The following RGS7 variants were observed in gnomAD, a reference collection of about 807,000 sequenced individuals.
RGS7 encodes the protein regulator of G-protein signaling 7.
Under a neutral mutation model 81.1 loss-of-function variants are expected in RGS7, and 27 were observed. That is an observed-to-expected ratio of 0.33 (90% CI 0.25 to 0.46). The LOEUF (loss-of-function observed/expected upper bound fraction) is 0.46. Ranked by LOEUF, RGS7 falls within the 20% of genes least tolerant of loss-of-function variation. RGS7 has a pLI of 1.00. For synonymous variants in RGS7, 208 were observed against 207.7 expected (o/e 1.00, Z -0.01); for missense variants, 396 against 607.4 (o/e 0.65, Z 3.66).
intron 2 of RGS7, among the ~76,000 whole-genome samples, chr1:241,226,543 T>C (rs2075318938): frequency 6.6e-6 from 1 of 152,118 alleles, no homozygotes; most frequent in African/African-American, 2.4e-5. Context: ...GAGGAGATAA[T>C]CAGTTAGCCA....
chr1:241,234,939 A>G (rs1455565259), intron 2 of RGS7, among the ~76,000 whole-genome samples: 1 of 152,170 alleles, frequency 6.6e-6, no homozygotes, highest in East Asian at 1.9e-4. Context: ...TCTTTCCAGG[A>G]TAATAAAATC....
intron 2 of RGS7, among the ~76,000 whole-genome samples, chr1:241,124,228 C>A (rs1477559554): frequency 4.9e-5 from 7 of 143,724 alleles, no homozygotes; most frequent in Non-Finnish European, 1.1e-4. Context: ...GACCTCGTCT[C>A]TAGAAAAAAA....
intron 3 of RGS7, among the ~76,000 whole-genome samples, chr1:241,078,501 G>GTGTGTGTGTGTGTGTGTGTA: frequency 6.6e-6 from 1 of 151,278 alleles, no homozygotes; most frequent in Non-Finnish European, 1.5e-5. Context: ...GTGTGTGTGT[G>GTGTGTGTGTGTGTGTGTGTA]TATATACACA....
chr1:240,828,004 C>A (rs1290259805), intron 9 of RGS7, among the ~76,000 whole-genome samples: 2 of 152,140 alleles, frequency 1.3e-5, no homozygotes, highest in African/African-American at 4.8e-5. Context: ...TGAAACCCAG[C>A]AACTAGGAAT....
Position 240,868,374 on chromosome 1 carries a change from G to C in RGS7, c.609+213C>G, listed in dbSNP as rs1663852274. Among the ~76,000 whole-genome samples, 1 of 152,148 alleles carries C rather than the reference G, an allele frequency of 6.6e-6. No individual in the cohort carries two copies. Among genetic ancestry groups the C allele is most frequent in the Non-Finnish European group, 1.5e-5 (1 of 68,016 alleles). Reference sequence around the variant, plus strand: ...CAAGAGAGTAAGCAAGCGATATCATGGTGGGAAAATGCATGGTTTTATAAA... The same window carrying C: ...CAAGAGAGTAAGCAAGCGATATCATCGTGGGAAAATGCATGGTTTTATAAA... On this transcript the variant is annotated intron_variant, in intron 9 of 18. Transcript: ENST00000440928. The surrounding 1 kb of genome is among the most constrained non-coding windows in gnomAD (Gnocchi z 5.1).
intron 5 of RGS7, among the ~76,000 whole-genome samples, chr1:240,933,035 A>G (rs1213806860): frequency 1.4e-5 from 2 of 147,436 alleles, no homozygotes; most frequent in African/African-American, 5.0e-5. Flanking sequence ...AGGCGCCCGC[A>G]CCACGCCCGG....
intron 2 of RGS7, among the ~76,000 whole-genome samples, chr1:241,290,127 G>C (rs1183159935): frequency 2.6e-5 from 4 of 152,208 alleles, no homozygotes; most frequent in Non-Finnish European, 5.9e-5. Context: ...ATGTTAGAAA[G>C]TAGGGTTTAT....
intron 2 of RGS7, among the ~76,000 whole-genome samples, chr1:241,308,972 G>C (rs2080338185): frequency 6.6e-6 from 1 of 152,136 alleles, no homozygotes; most frequent in African/African-American, 2.4e-5. Flanking sequence ...CGTGAGAGTG[G>C]TATTCATGAG....
At chr1:240,880,476 A>G (rs1466354831) in intron 6 of RGS7, among the ~76,000 whole-genome samples, 1 of 152,248 alleles carries the variant, frequency 6.6e-6, no homozygotes, top group African/African-American at 2.4e-5. Context: ...TTGACCAGCC[A>G]CTGCAGCAAT....
intron 4 of RGS7, among the ~76,000 whole-genome samples, chr1:240,938,330 T>C (rs1167221486): frequency 1.3e-5 from 2 of 152,200 alleles, no homozygotes; most frequent in South Asian, 2.1e-4. Flanking sequence ...GTATAATTCA[T>C]TTATAAATTT....
chr1:241,337,241 C>G (rs955991208), intron 2 of RGS7, among the ~76,000 whole-genome samples: 1 of 152,132 alleles, frequency 6.6e-6, no homozygotes, highest in Non-Finnish European at 1.5e-5. Context: ...CTCCATTGTT[C>G]ATGCCTCTTG....
chr1:240,984,110 T>C lies in RGS7; in HGVS notation c.176-981A>G, dbSNP rs147523858. 5.4e-3 allele frequency among the ~76,000 whole-genome samples: 817 copies of C among 152,190 alleles called. 3 individuals are homozygous for C. The highest frequency in any genetic ancestry group is 0.019 in the African/African-American group (783 of 41,512). The stretch of plus-strand genomic sequence containing the variant: ...TGTAAGTGCTGGGAATAATAGAAAA[T>C]TGAAAGTAATAATGGAGTGCACAGT... On this transcript the variant is annotated intron_variant, in intron 3 of 18. Coordinates refer to ENST00000440928, the MANE Select transcript of RGS7 (RefSeq NM_001364886.1).
At chr1:241,200,181 T>G (rs1915879) in intron 2 of RGS7, among the ~76,000 whole-genome samples, 26,444 of 151,952 alleles carry the variant, frequency 0.17, 2,905 homozygotes, top group African/African-American at 0.31. Context: ...CTATAACAGG[T>G]GATCTGGAAC....
At position 240,986,731 on chromosome 1, in the gene RGS7, C is replaced by T. The variant is rs1215511311; in HGVS notation, c.176-3602G>A. Among the ~76,000 whole-genome samples, 4 of 20,002 alleles carry T rather than the reference C, an allele frequency of 2.0e-4. 2 individuals carry two copies. Among genetic ancestry groups the T allele is most frequent in the African/African-American group, 4.5e-4 (2 of 4,470 alleles). The allele number at this position is 20,002 out of a possible 152,430, so 13.1% of individuals were successfully genotyped here. A position where few individuals can be genotyped will look rare whatever the true frequency, so the allele number is the denominator to read the frequency against. ...CGGAGTAGCTGGGACTACAGGCGCCCGCCACCTCGCCCGGCTAATTTTTTG... is the reference window on the plus strand; with the variant it reads ...CGGAGTAGCTGGGACTACAGGCGCCTGCCACCTCGCCCGGCTAATTTTTTG... On this transcript the variant is annotated intron_variant, in intron 3 of 18. Coordinates refer to ENST00000440928, the MANE Select transcript of RGS7 (RefSeq NM_001364886.1).
At chr1:240,998,626 C>T (rs1182028712) in intron 3 of RGS7, 4 of 913,614 alleles carry the variant, frequency 4.4e-6, no homozygotes, top group Non-Finnish European at 7.2e-6. Flanking sequence ...GAGGAGGCTC[C>T]CCATGTTGAC....
chr1:241,310,397 GTGTT>G (rs1362172315), intron 2 of RGS7, among the ~76,000 whole-genome samples: 6 of 146,974 alleles, frequency 4.1e-5, no homozygotes, highest in Admixed American at 6.7e-5. Flanking sequence ...GCGTGTGAGT[GTGTT>G]TGTGTGTCTG....
At chr1:240,842,521 G>C (rs1298787936) in intron 9 of RGS7, among the ~76,000 whole-genome samples, 6 of 152,004 alleles carry the variant, frequency 3.9e-5, no homozygotes, top group African/African-American at 1.2e-4. Context: ...AGTTGCTTAT[G>C]AAAGTAAACA....
chr1:240,858,025 G>T (rs1040394467), intron 9 of RGS7, among the ~76,000 whole-genome samples: 23 of 152,156 alleles, frequency 1.5e-4, no homozygotes, highest in South Asian at 1.0e-3. Flanking sequence ...CAACCATGCT[G>T]AACTGAGTCA....
chr1:240,787,441 G>T (rs752943471), intron 18 of RGS7, among the ~76,000 whole-genome samples: 3 of 152,190 alleles, frequency 2.0e-5, no homozygotes, highest in African/African-American at 7.2e-5. Context: ...CGTAAGGCAC[G>T]CAGCAGGATT....
Sources: gnomAD v4.1 joint callset for allele counts (sites outside exome capture counted in the v4.1 genomes callset) on GRCh38, gnomAD v4.1.1 for gene constraint, Gnocchi (gnomAD v3.1) non-coding constraint, MANE v1.5 for transcripts, NCBI Gene and HGNC (gene_info 2026-07-23, HGNC 2026-07-21) for gene names.